SPAG17: variants seen among roughly 807,000 people sequenced by gnomAD.
The protein encoded by SPAG17 is sperm associated antigen 17, also known as sperm-associated antigen 17.
Under a neutral mutation model 273.6 loss-of-function variants are expected in SPAG17, and 169 were observed. The observed-to-expected ratio is 0.62, with a 90% CI of 0.55 to 0.70. The LOEUF (loss-of-function observed/expected upper bound fraction) is 0.70, where lower values mean the gene tolerates loss of function less well. Ranked by LOEUF, SPAG17 falls within the 30% of genes least tolerant of loss-of-function variation. The pLI is 0.00. For synonymous variants in SPAG17, 825 were observed against 873.2 expected, an observed-to-expected ratio of 0.94 and a Z score of 0.97; for missense variants, 2,557 against 2,627.8, an observed-to-expected ratio of 0.97 and a Z score of 0.59.
chr1:118,127,311 G>T (rs1657790323), intron 3 of SPAG17, among the ~76,000 whole-genome samples: 1 of 152,168 alleles, frequency 6.6e-6, no homozygotes, highest in Non-Finnish European at 1.5e-5. Flanking sequence ...TCTGTAGGCT[G>T]TACAGGAAGT....
At chr1:118,090,536 G>T (rs1345521772) in intron 10 of SPAG17, among the ~76,000 whole-genome samples, 1 of 152,096 alleles carries the variant, frequency 6.6e-6, no homozygotes, top group Non-Finnish European at 1.5e-5. Context: ...AATGAAGTAA[G>T]CTTTCAATTA....
intron 10 of SPAG17, among the ~76,000 whole-genome samples, chr1:118,088,270 C>G (rs1205761445): frequency 6.6e-6 from 1 of 152,162 alleles, no homozygotes; most frequent in African/African-American, 2.4e-5. Context: ...CATGGATCTA[C>G]TGGTTGACTT....
In SPAG17 at chr1:118,016,097, AG is replaced by A. The variant is rs1282613203; in HGVS notation, c.4154del (p.Pro1385LeufsTer6). On this transcript the variant is annotated frameshift_variant, in exon 29 of 49. Coordinates refer to ENST00000336338, the MANE Select transcript of SPAG17 (RefSeq NM_206996.4). LOFTEE classifies it high-confidence loss of function. ...ACCAGGTGCCTATGTGAACCTCCAC[AG>A]GAGTTACAGTTTGAACTGCCTCTGG... is the stretch of plus-strand genomic sequence containing the variant. Reference protein sequence around the residue: ...PPPEAVQTVTPVEVHIGTWFT... With the variant: ...PPPEAVQTVTXVEVHIGTWFT... 2 of 1,614,120 alleles carry A rather than the reference AG, an allele frequency of 1.2e-6. No homozygotes were observed. The highest frequency in any genetic ancestry group is 1.7e-6 in the Non-Finnish European group (2 of 1,179,966).
intron 42 of SPAG17, among the ~76,000 whole-genome samples, chr1:117,982,573 TA>T (rs1372846246): frequency 6.6e-6 from 1 of 152,192 alleles, no homozygotes; most frequent in African/African-American, 2.4e-5. Flanking sequence ...CTCAGTTTAC[TA>T]GAGAGAAACA....
rs745689634 is a variant in SPAG17, at chr1:118,093,217, A to G, written c.1112T>C (p.Leu371Pro). 1.9e-6 allele frequency: 3 copies of G among 1,613,842 alleles called. No homozygotes were observed. In the South Asian group the frequency reaches 3.3e-5, roughly 18 times the overall value. The change falls in exon 8 of 49, where the codon CTT (leucine) becomes CCT (proline). Residue 371 changes from leucine to proline, a missense_variant. Transcript: ENST00000336338. ...QHQHYLESMQLINVPQVVNEK... is the reference protein window; with the variant it reads ...QHQHYLESMQPINVPQVVNEK... ...ATTAACCACTTGTGGAACATTAATA[A>G]GCTGCATGCTTTCCAAATAGTGCTG...
chr1:118,165,645 C>CTTTTT (rs5777341), intron 1 of SPAG17, among the ~76,000 whole-genome samples: 7 of 108,348 alleles, frequency 6.5e-5, no homozygotes, highest in East Asian at 2.6e-4. Context: ...AAAAAACTTT[C>CTTTTT]TTTTTTTTTT....
At chr1:118,123,831 T>G (rs1026435148) in intron 3 of SPAG17, among the ~76,000 whole-genome samples, 1 of 152,170 alleles carries the variant, frequency 6.6e-6, no homozygotes, top group African/African-American at 2.4e-5. Flanking sequence ...TAAGACCTCT[T>G]TGGGGCTGTA....
At chr1:118,087,117 G>T in intron 10 of SPAG17, 109 bp from the exon 11 acceptor site, 1 of 1,258,490 alleles carries the variant, frequency 7.9e-7, no homozygotes, top group Non-Finnish European at 1.1e-6. Context: ...CCATTTCTGG[G>T]ACCCAAGTAC....
chr1:118,141,178 A>AT (rs1261889243), intron 3 of SPAG17, among the ~76,000 whole-genome samples: 1 of 152,260 alleles, frequency 6.6e-6, no homozygotes, highest in Non-Finnish European at 1.5e-5. Flanking sequence ...TGTAAATTAT[A>AT]TGAGGCCAGG....
intron 3 of SPAG17, among the ~76,000 whole-genome samples, chr1:118,143,063 CAT>C (rs1466977770): frequency 6.6e-6 from 1 of 152,204 alleles, no homozygotes; most frequent in Non-Finnish European, 1.5e-5. Context: ...TTGACCCAAA[CAT>C]GTGGGCAAAA....
intron 17 of SPAG17, 89 bp from the exon 18 acceptor site, chr1:118,066,988 T>C (rs1653046313): frequency 1.6e-6 from 2 of 1,222,444 alleles, no homozygotes; most frequent in African/African-American, 3.1e-5. Context: ...ACTCCCTTTT[T>C]TTCCTACATT....
chr1:118,152,181 G>A (rs760899218), intron 1 of SPAG17, among the ~76,000 whole-genome samples: 1 of 152,106 alleles, frequency 6.6e-6, no homozygotes, highest in Non-Finnish European at 1.5e-5. Flanking sequence ...CATCAGAAAA[G>A]AGAGGGAATA....
Position 117,966,771 on chromosome 1 carries a change from G to A in SPAG17, c.6388-18C>T. 6.3e-7 allele frequency: 1 copy of A among 1,591,702 alleles called. No individual in the cohort carries two copies. Among genetic ancestry groups the A allele is most frequent in the South Asian group, 1.2e-5 (1 of 86,544 alleles). Reference sequence around the variant, plus strand: ...GCTGCCACCTATAAGACACAAGGTAGCTTTAGGACCAGACAACTCTGAGTT... The same window carrying A: ...GCTGCCACCTATAAGACACAAGGTAACTTTAGGACCAGACAACTCTGAGTT... On this transcript the variant is annotated intron_variant, in intron 46 of 48. Coordinates refer to ENST00000336338, the MANE Select transcript of SPAG17 (RefSeq NM_206996.4).
At chr1:118,067,482 C>T (rs1250664279) in intron 17 of SPAG17, among the ~76,000 whole-genome samples, 1 of 152,114 alleles carries the variant, frequency 6.6e-6, no homozygotes, top group Non-Finnish European at 1.5e-5. Context: ...ATCCCCACTC[C>T]CTCTTACTCT....
At chr1:118,101,957 TCAAA>T in intron 4 of SPAG17, 31 bp from the exon 5 acceptor site, 1 of 1,579,498 alleles carries the variant, frequency 6.3e-7, no homozygotes, top group Non-Finnish European at 8.6e-7. Flanking sequence ...TTTCTCCAAA[TCAAA>T]CAGTGAGCAA....
chr1:118,058,641 C>T (rs188277581), intron 18 of SPAG17, among the ~76,000 whole-genome samples: 5 of 152,310 alleles, frequency 3.3e-5, no homozygotes, highest in Admixed American at 2.6e-4. Context: ...AGCTCTGAGG[C>T]ACTGCCCAAG....
intron 1 of SPAG17, among the ~76,000 whole-genome samples, chr1:118,164,284 TCA>T (rs1205625251): frequency 2.0e-5 from 3 of 152,188 alleles, no homozygotes; most frequent in Admixed American, 6.5e-5. Context: ...TGCCATAATC[TCA>T]CAGTCAGCAT....
intron 4 of SPAG17, among the ~76,000 whole-genome samples, chr1:118,107,822 G>A (rs1040882616): frequency 6.6e-6 from 1 of 152,148 alleles, no homozygotes; most frequent in African/African-American, 2.4e-5. Context: ...GATGTGCAAT[G>A]CATTCTTTTG....
chr1:117,975,503 A>G (rs1655034552), intron 43 of SPAG17, among the ~76,000 whole-genome samples: 1 of 152,176 alleles, frequency 6.6e-6, no homozygotes. Flanking sequence ...TCAGAGGATT[A>G]AATAACTTGT....
Sources: gnomAD v4.1 joint callset for allele counts (sites outside exome capture counted in the v4.1 genomes callset) on GRCh38, gnomAD v4.1.1 for gene constraint, MANE v1.5 for transcripts, NCBI Gene and HGNC (gene_info 2026-07-23, HGNC 2026-07-21) for gene names.